Variants in CNTN4 observed in about 807,000 individuals in gnomAD.
The protein encoded by CNTN4 is contactin-4.
A neutral mutation model predicts 122.5 loss-of-function variants in CNTN4; 77 were observed. The observed-to-expected ratio is 0.63, with a 90% CI of 0.52 to 0.76. The LOEUF is 0.76. Ranked by LOEUF, CNTN4 falls within the 30% of genes least tolerant of loss-of-function variation. The pLI is 0.00. For missense variants in CNTN4, 1,256 were observed against 1,259.1 expected (o/e 1.00, Z 0.04); for synonymous variants, 512 against 447.0 (o/e 1.15, Z -1.83).
At chr3:2,610,337 A>G (rs1451672252) in intron 4 of CNTN4, among the ~76,000 whole-genome samples, 1 of 152,198 alleles carries the variant, frequency 6.6e-6, no homozygotes, top group Non-Finnish European at 1.5e-5. Flanking sequence ...TTATTTCTTC[A>G]GTTGCCATCC....
intron 3 of CNTN4, among the ~76,000 whole-genome samples, chr3:2,358,313 G>A (rs1016861633): frequency 2.6e-5 from 4 of 152,080 alleles, no homozygotes; most frequent in Non-Finnish European, 4.4e-5. Flanking sequence ...CACCTACCTC[G>A]CAGGATAATA....
chr3:2,772,973 T>A (rs1394646464), intron 6 of CNTN4, among the ~76,000 whole-genome samples: 2 of 152,136 alleles, frequency 1.3e-5, no homozygotes, highest in African/African-American at 4.8e-5. Flanking sequence ...AAATGTCCAG[T>A]ACAACAGAGA....
chr3:2,237,377 A>G (rs2039724850), intron 2 of CNTN4, among the ~76,000 whole-genome samples: 2 of 152,138 alleles, frequency 1.3e-5, no homozygotes, highest in Admixed American at 1.3e-4. Context: ...CCAGAGGCTG[A>G]AGCAGTAGGA....
chr3:2,770,185 A>T (rs770900507), intron 6 of CNTN4, among the ~76,000 whole-genome samples: 1 of 151,974 alleles, frequency 6.6e-6, no homozygotes, highest in South Asian at 2.1e-4. Context: ...ACGCGTCATC[A>T]TGCCCGGCTA....
At chr3:2,324,288 A>ACAAC (rs2043374014) in intron 2 of CNTN4, among the ~76,000 whole-genome samples, 1 of 5,698 alleles carries the variant, frequency 1.8e-4, no homozygotes, top group Non-Finnish European at 8.3e-4. Context: ...AAATAACTGG[A>ACAAC]TGTGTCTGCA....
chr3:2,437,951 T>A (rs1294471005), intron 3 of CNTN4, among the ~76,000 whole-genome samples: 1 of 152,168 alleles, frequency 6.6e-6, no homozygotes, highest in Non-Finnish European at 1.5e-5. Context: ...GATGTCTCAG[T>A]ATTAATAGAT....
intron 13 of CNTN4, among the ~76,000 whole-genome samples, chr3:2,938,316 A>T (rs912386916): frequency 7.2e-5 from 11 of 151,974 alleles, no homozygotes; most frequent in African/African-American, 9.7e-5. Context: ...GTCAATAATA[A>T]TAGTAACACC....
At chr3:2,430,574 A>G (rs1034595472) in intron 3 of CNTN4, among the ~76,000 whole-genome samples, 1 of 133,138 alleles carries the variant, frequency 7.5e-6, no homozygotes, top group Non-Finnish European at 1.6e-5. Flanking sequence ...TTTTTAATAA[A>G]TTTTTTGTTT....
intron 4 of CNTN4, among the ~76,000 whole-genome samples, chr3:2,687,400 C>T (rs1488343498): frequency 1.8e-5 from 2 of 108,306 alleles, no homozygotes; most frequent in African/African-American, 3.5e-5. Flanking sequence ...GTGGCTCGTG[C>T]CTGCAATCTC....
intron 2 of CNTN4, among the ~76,000 whole-genome samples, chr3:2,320,980 C>T (rs1217458421): frequency 1.3e-5 from 2 of 152,074 alleles, no homozygotes; most frequent in African/African-American, 4.8e-5. Context: ...TCAGTGGAAA[C>T]AGCCACCATT....
At chr3:2,274,894 C>CCTAA (rs3077124) in intron 2 of CNTN4, among the ~76,000 whole-genome samples, 96,933 of 151,602 alleles carry the variant, frequency 0.64, 31,980 homozygotes, top group South Asian at 0.77. Context: ...GGGATCATAT[C>CCTAA]CTGAGTACTG....
chr3:2,647,274 A>G (rs2150160562), intron 4 of CNTN4, among the ~76,000 whole-genome samples: 2 of 152,108 alleles, frequency 1.3e-5, no homozygotes, highest in East Asian at 3.9e-4. Context: ...CCAGCTACTC[A>G]GGAGGCTGAG....
chr3:2,856,605 G>A (rs1423272047), intron 7 of CNTN4, among the ~76,000 whole-genome samples: 1 of 152,190 alleles, frequency 6.6e-6, no homozygotes, highest in Non-Finnish European at 1.5e-5. Context: ...TTAAAGCCCA[G>A]ATGGACGGGC....
chr3:3,050,222 G>C (rs995629179), intron 23 of CNTN4, among the ~76,000 whole-genome samples: 1 of 152,060 alleles, frequency 6.6e-6, no homozygotes, highest in East Asian at 1.9e-4. Context: ...ATATCTTCCA[G>C]TTTTTCAGTA....
At position 2,299,809 on chromosome 3, in the gene CNTN4, A is replaced by G. The variant is rs564414647; in HGVS notation, c.-144-39369A>G. Among the ~76,000 whole-genome samples, 5 of 152,340 alleles carry G rather than the reference A, an allele frequency of 3.3e-5. No homozygotes were observed. The South Asian group carries it at 8.3e-4, about 25-fold the overall frequency. On this transcript the variant is annotated intron_variant, in intron 2 of 24. Coordinates refer to ENST00000418658, the MANE Select transcript of CNTN4 (RefSeq NM_175607.3). ...CAAAATAAATTGCATGGAAGTTTTA[A>G]TAGGAATCTCCCACATACAGTATAA... is the stretch of plus-strand genomic sequence containing the variant.
At chr3:2,177,098 A>C (rs1441187159) in intron 2 of CNTN4, among the ~76,000 whole-genome samples, 3 of 152,306 alleles carry the variant, frequency 2.0e-5, no homozygotes, top group Admixed American at 1.3e-4. Flanking sequence ...GGATGAAAGC[A>C]GGAGATATGA....
intron 3 of CNTN4, among the ~76,000 whole-genome samples, chr3:2,523,356 T>TAAA (rs67485307): frequency 2.8e-4 from 33 of 119,962 alleles, no homozygotes; most frequent in Non-Finnish European, 3.5e-4. Flanking sequence ...CAAGAGACCT[T>TAAA]AAAAAAAAAA....
At chr3:2,686,256 T>G (rs893417818) in intron 4 of CNTN4, among the ~76,000 whole-genome samples, 1 of 152,136 alleles carries the variant, frequency 6.6e-6, no homozygotes, top group Non-Finnish European at 1.5e-5. Context: ...TCTAGCAATA[T>G]TTAACCCTTA....
intron 6 of CNTN4, among the ~76,000 whole-genome samples, chr3:2,789,185 T>C (rs866948996): frequency 6.6e-6 from 1 of 152,166 alleles, no homozygotes; most frequent in East Asian, 1.9e-4. Context: ...TAGAACCAGA[T>C]TGTGGAGGTT....
Sources: allele counts gnomAD v4.1 joint callset (sites outside exome capture counted in the v4.1 genomes callset), GRCh38; gene constraint gnomAD v4.1.1; transcripts MANE v1.5; gene names NCBI Gene and HGNC (gene_info 2026-07-23, HGNC 2026-07-21).